Variants in POGLUT1 observed in about 807,000 individuals in gnomAD.
The protein encoded by POGLUT1 is 9630046K23Rik.
In POGLUT1, 32 loss-of-function variants were observed where a neutral mutation model predicts 61.3. That is an observed-to-expected ratio of 0.52 (90% CI 0.39 to 0.70). The LOEUF (loss-of-function observed/expected upper bound fraction) is 0.70, where lower values mean the gene tolerates loss of function less well. POGLUT1 is among the 30% of genes least tolerant of loss of function. The probability of loss-of-function intolerance (pLI) is 0.00; values close to 1 mark genes in which losing one functional copy is unlikely to be tolerated. For synonymous variants in POGLUT1, 158 were observed against 158.2 expected (o/e 1.00, Z 0.01); for missense variants, 411 against 469.8 (o/e 0.87, Z 1.16).
chr3:119,488,721 T>C (rs1209548619), intron 7 of POGLUT1: 2 of 367,016 alleles, frequency 5.4e-6, no homozygotes, highest in African/African-American at 2.1e-5. Context: ...CTGTCTTCTA[T>C]TTAGAGCCAC....
At position 119,469,909 on chromosome 3, in the gene POGLUT1, G is replaced by T. The variant is rs200523009; in HGVS notation, c.175G>T (p.Gly59Cys). The T allele has an allele frequency of 4.3e-5, 67 of 1,561,516 alleles. No individual in the cohort carries two copies. The highest frequency in any genetic ancestry group is 3.3e-4 in the Middle Eastern group (2 of 6,002). ...CSSQNCSCYH[G>C]VIEEDLTPFR... ...AAGTCAAAACTGCAGCTGCTACCAT[G>T]GGTGAGTTCTTTTCTTTGATGTGTC... Residue 59 changes from glycine to cysteine, a missense_variant and splice_region_variant, in exon 2 of 11, where the codon GGT becomes TGT. By Grantham distance (159) the Gly-to-Cys change is radical. Transcript: ENST00000295588.
chr3:119,475,994 A>AC (rs57031835), intron 3 of POGLUT1, among the ~76,000 whole-genome samples: 546 of 51,926 alleles, frequency 0.011, 3 homozygotes, highest in Middle Eastern at 0.037. Flanking sequence ...ACACACACAC[A>AC]AACACATACA....
rs1049423607 is a variant in POGLUT1, at chr3:119,493,189, A to G, written c.*751A>G. 2.7e-5 allele frequency: 4 copies of G among 150,746 alleles called. No individual in the cohort carries two copies. Among genetic ancestry groups the G allele is most frequent in the African/African-American group, 9.8e-5 (4 of 40,910 alleles). The allele number at this position is 150,746 out of a possible 1,614,324, so 9.3% of individuals were successfully genotyped here. ...CAAAGCCTCTTAATAAATTTAATGG[A>G]ACTATACATAGAACAGCAGCTCTTC... On this transcript the variant is annotated 3_prime_UTR_variant, in exon 11 of 11. Coordinates refer to ENST00000295588, the MANE Select transcript of POGLUT1 (RefSeq NM_152305.3).
At chr3:119,486,256 G>T (rs1016604873) in intron 6 of POGLUT1, among the ~76,000 whole-genome samples, 14 of 152,170 alleles carry the variant, frequency 9.2e-5, no homozygotes, top group Admixed American at 7.2e-4. Context: ...GGGAAGGAGA[G>T]AGGGTTGGTT....
chr3:119,489,135 A>C (rs1303847018), intron 8 of POGLUT1, 148 bp downstream of exon 8: 3 of 511,174 alleles, frequency 5.9e-6, no homozygotes, highest in South Asian at 2.9e-5. Context: ...CAGGGCCTAA[A>C]TGCACTGACC....
intron 5 of POGLUT1, among the ~76,000 whole-genome samples, chr3:119,483,831 C>G (rs1233777416): frequency 6.6e-6 from 1 of 152,166 alleles, no homozygotes; most frequent in Admixed American, 6.5e-5. Context: ...ACAGACATGG[C>G]CAAATGTCCC....
chr3:119,473,039 T>C (rs2081494376), intron 3 of POGLUT1, among the ~76,000 whole-genome samples: 1 of 152,008 alleles, frequency 6.6e-6, no homozygotes, highest in Non-Finnish European at 1.5e-5. Flanking sequence ...CTGTCTCAAA[T>C]AAATAATAAT....
intron 9 of POGLUT1, 134 bp downstream of exon 9, chr3:119,490,852 T>G (rs2081735822): frequency 4.0e-6 from 3 of 750,052 alleles, no homozygotes; most frequent in Non-Finnish European, 6.6e-6. Context: ...CTTTTTTTCC[T>G]CTTGGTTTGC....
intron 3 of POGLUT1, among the ~76,000 whole-genome samples, chr3:119,473,722 G>A (rs1254128375): frequency 1.3e-5 from 2 of 150,778 alleles, no homozygotes; most frequent in African/African-American, 4.9e-5. Context: ...GTGCAGTGGT[G>A]TGATCTCGGC....
chr3:119,479,953 A>G (rs2081586510), intron 4 of POGLUT1, 98 bp from the exon 5 acceptor site: 5 of 1,588,904 alleles, frequency 3.1e-6, no homozygotes, highest in Non-Finnish European at 4.3e-6. Flanking sequence ...ACAATGTGAC[A>G]CTAAACCAAG....
intron 6 of POGLUT1, among the ~76,000 whole-genome samples, chr3:119,485,719 A>G (rs1280252053): frequency 1.2e-4 from 19 of 152,238 alleles, no homozygotes; most frequent in Non-Finnish European, 2.5e-4. Context: ...GCTTATGATC[A>G]TGCCACGGTA....
rs1455836737 is a variant in POGLUT1 at position 119,469,828 on chromosome 3, T to G, written c.94T>G (p.Trp32Gly). The change falls in exon 2 of 11, where the codon TGG becomes GGG. Residue 32 changes from tryptophan to glycine, a missense_variant. Coordinates refer to ENST00000295588, the MANE Select transcript of POGLUT1 (RefSeq NM_152305.3). ...TACTTCACTTTTTAAAGGTTCAAAA[T>G]GGAAAGTATTTATTGACCAAATTAA... ...QGRQKESGSK[W>G]KVFIDQINRS... 1.9e-6 allele frequency: 3 copies of G among 1,588,612 alleles called. No individual in the cohort carries two copies.
chr3:119,469,755 G>T, intron 1 of POGLUT1, 65 bp from the exon 2 acceptor site: 1 of 795,358 alleles, frequency 1.3e-6, no homozygotes. Context: ...TCTTCTGTTG[G>T]TGTGGTGTCA....
At chr3:119,489,382 C>G (rs2081711656) in intron 8 of POGLUT1, 1 of 155,478 alleles carries the variant, frequency 6.4e-6, no homozygotes, top group Non-Finnish European at 1.4e-5. Context: ...TCCTTTGAGC[C>G]CAAGAGTTCA....
chr3:119,492,222 A>G, intron 10 of POGLUT1, 60 bp from the exon 11 acceptor site: 2 of 1,244,942 alleles, frequency 1.6e-6, no homozygotes, highest in Non-Finnish European at 2.3e-6. Flanking sequence ...ACTCAAATGC[A>G]GACTGCTATT....
intron 10 of POGLUT1, among the ~76,000 whole-genome samples, chr3:119,491,866 C>T (rs116827307): frequency 0.012 from 1,892 of 152,112 alleles, 46 homozygotes; most frequent in African/African-American, 0.043. Flanking sequence ...ACCAGCCTAG[C>T]CATGGTGAAA....
intron 5 of POGLUT1, 80 bp downstream of exon 5, chr3:119,480,252 C>CTT (rs139662431): frequency 4.2e-3 from 3,945 of 932,164 alleles, no homozygotes; most frequent in Middle Eastern, 6.0e-3. Flanking sequence ...CAATTATTTA[C>CTT]TTTTTTTTTT....
At chr3:119,474,689 T>A (rs2081515481) in intron 3 of POGLUT1, among the ~76,000 whole-genome samples, 1 of 151,658 alleles carries the variant, frequency 6.6e-6, no homozygotes, top group South Asian at 2.1e-4. Context: ...TACAAAAAAA[T>A]TTAGCCAGGC....
intron 5 of POGLUT1, among the ~76,000 whole-genome samples, chr3:119,480,407 C>T (rs975471435): frequency 2.0e-5 from 3 of 151,938 alleles, no homozygotes; most frequent in Non-Finnish European, 4.4e-5. Context: ...TGCCACCACA[C>T]CCGGCTAATT....
Sources: gnomAD v4.1 joint callset for allele counts (sites outside exome capture counted in the v4.1 genomes callset) on GRCh38, gnomAD v4.1.1 for gene constraint, MANE v1.5 for transcripts, NCBI Gene and HGNC (gene_info 2026-07-23, HGNC 2026-07-21) for gene names.